The following HCN1 variants were observed in gnomAD, a reference collection of about 807,000 sequenced individuals.
HCN1 encodes potassium/sodium hyperpolarization-activated cyclic nucleotide-gated channel 1.
Under a neutral mutation model 78.9 loss-of-function variants are expected in HCN1, and 13 were observed. The observed-to-expected ratio is 0.16, with a 90% CI of 0.11 to 0.26. HCN1 has a LOEUF of 0.26. HCN1 is among the 10% of genes least tolerant of loss of function. HCN1 has a pLI of 1.00. For missense variants in HCN1, 810 were observed against 1,154.3 expected (o/e 0.70, Z 4.32); for synonymous variants, 552 against 455.5 (o/e 1.21, Z -2.70).
chr5:45,688,069 G>A (rs1169628309), intron 1 of HCN1, among the ~76,000 whole-genome samples: 1 of 152,042 alleles, frequency 6.6e-6, no homozygotes, highest in Non-Finnish European at 1.5e-5. Flanking sequence ...TTGTGGAAGT[G>A]GAATAATTTG....
intron 2 of HCN1, among the ~76,000 whole-genome samples, chr5:45,506,801 A>G (rs768371413): frequency 6.6e-6 from 1 of 152,148 alleles, no homozygotes; most frequent in East Asian, 1.9e-4. Flanking sequence ...TTTGATATTA[A>G]TCTTGATTAT....
intron 3 of HCN1, among the ~76,000 whole-genome samples, chr5:45,398,941 C>T (rs1171398725): frequency 6.6e-6 from 1 of 152,138 alleles, no homozygotes; most frequent in Non-Finnish European, 1.5e-5. Flanking sequence ...GTGCTTACTG[C>T]CGTGCCCATG....
intron 6 of HCN1, among the ~76,000 whole-genome samples, chr5:45,271,200 T>A (rs114644391): frequency 1.2e-3 from 181 of 152,272 alleles, no homozygotes; most frequent in African/African-American, 4.3e-3. Flanking sequence ...TACCTCTTCA[T>A]TACATTTTGT....
At chr5:45,268,652 A>C (rs1315268380) in intron 6 of HCN1, among the ~76,000 whole-genome samples, 1 of 152,240 alleles carries the variant, frequency 6.6e-6, no homozygotes, top group East Asian at 1.9e-4. Flanking sequence ...CTGGGAAGAT[A>C]GAGAGGATTT....
intron 4 of HCN1, among the ~76,000 whole-genome samples, chr5:45,362,248 C>T (rs1474784877): frequency 1.3e-5 from 2 of 151,356 alleles, no homozygotes; most frequent in Non-Finnish European, 2.9e-5. Flanking sequence ...ACTGATATAA[C>T]ATGCCTACCA....
intron 3 of HCN1, among the ~76,000 whole-genome samples, chr5:45,417,637 A>G (rs1251877378): frequency 6.6e-6 from 1 of 151,758 alleles, no homozygotes; most frequent in Non-Finnish European, 1.5e-5. Context: ...AAAAATATAA[A>G]TAAATATAAC....
At chr5:45,457,158 T>G (rs1741045603) in intron 3 of HCN1, among the ~76,000 whole-genome samples, 1 of 152,114 alleles carries the variant, frequency 6.6e-6, no homozygotes, top group African/African-American at 2.4e-5. Flanking sequence ...ACTGTTTAGC[T>G]GAAAATCCTT....
chr5:45,458,980 G>T (rs1408732586), intron 3 of HCN1, among the ~76,000 whole-genome samples: 3 of 152,004 alleles, frequency 2.0e-5, no homozygotes, highest in Non-Finnish European at 4.4e-5. Context: ...TGCAATAAAT[G>T]ATTTACCAAA....
intron 2 of HCN1, among the ~76,000 whole-genome samples, chr5:45,517,518 C>A: frequency 2.3e-5 from 2 of 85,378 alleles, no homozygotes; most frequent in South Asian, 4.1e-4. Flanking sequence ...CCAATTTCCC[C>A]TTAAAAAAAA....
intron 1 of HCN1, among the ~76,000 whole-genome samples, chr5:45,657,442 T>C (rs886566559): frequency 2.6e-5 from 4 of 152,220 alleles, no homozygotes; most frequent in Non-Finnish European, 4.4e-5. Context: ...TGTTGCTCAA[T>C]AGATAACAGA....
chr5:45,350,096 C>A lies in HCN1; in HGVS notation c.1377+3004G>T, dbSNP rs186810552. On this transcript the variant is annotated intron_variant, in intron 5 of 7. Transcript: ENST00000303230. Reference sequence around the variant, plus strand: ...AAAAAAAGAATTTTAGACCAATATCCTTGATGAACATTGATGCAAAAAGCC... The same window carrying A: ...AAAAAAAGAATTTTAGACCAATATCATTGATGAACATTGATGCAAAAAGCC... Among the ~76,000 whole-genome samples, 7 of 152,254 alleles carry A rather than the reference C, an allele frequency of 4.6e-5. No homozygotes were observed. In the South Asian group the frequency reaches 1.5e-3, roughly 32 times the overall value.
intron 2 of HCN1, among the ~76,000 whole-genome samples, chr5:45,635,531 C>A (rs1420807551): frequency 6.6e-6 from 1 of 152,064 alleles, no homozygotes; most frequent in Non-Finnish European, 1.5e-5. Context: ...TCTCCAGAAT[C>A]CTTCCTTACT....
intron 5 of HCN1, among the ~76,000 whole-genome samples, chr5:45,317,790 T>C (rs1045649069): frequency 6.6e-6 from 1 of 152,170 alleles, no homozygotes; most frequent in Non-Finnish European, 1.5e-5. Flanking sequence ...AAGACATTTA[T>C]GCAGCCAACA....
intron 2 of HCN1, among the ~76,000 whole-genome samples, chr5:45,607,634 G>A (rs934759200): frequency 6.7e-6 from 1 of 150,026 alleles, no homozygotes; most frequent in Non-Finnish European, 1.5e-5. Context: ...TATATCTAGA[G>A]AGAGAGAGTC....
At chr5:45,296,057 G>A (rs1381707249) in intron 6 of HCN1, among the ~76,000 whole-genome samples, 1 of 151,846 alleles carries the variant, frequency 6.6e-6, no homozygotes. Flanking sequence ...GTACCCTTGA[G>A]GTCCACCAGT....
At chr5:45,275,423 T>C (rs1579771912) in intron 6 of HCN1, among the ~76,000 whole-genome samples, 1 of 152,164 alleles carries the variant, frequency 6.6e-6, no homozygotes. Context: ...AAAGCTCTCA[T>C]CTGGTTCCTA....
chr5:45,419,570 C>A (rs573387973), intron 3 of HCN1, among the ~76,000 whole-genome samples: 1 of 152,156 alleles, frequency 6.6e-6, no homozygotes, highest in African/African-American at 2.4e-5. Flanking sequence ...CTTCAGCTAC[C>A]TTTTGTTCAG....
intron 2 of HCN1, among the ~76,000 whole-genome samples, chr5:45,504,643 T>TC (rs1742259118): frequency 6.6e-6 from 1 of 152,146 alleles, no homozygotes; most frequent in Non-Finnish European, 1.5e-5. Context: ...TCAAATGGTA[T>TC]TTCTAGTTCT....
At chr5:45,514,637 A>G (rs967438521) in intron 2 of HCN1, among the ~76,000 whole-genome samples, 2 of 152,076 alleles carry the variant, frequency 1.3e-5, no homozygotes, top group African/African-American at 4.8e-5. Flanking sequence ...TGATCTGACC[A>G]CACTGAAGTG....
Sources: gnomAD v4.1 joint callset for allele counts (sites outside exome capture counted in the v4.1 genomes callset) on GRCh38, gnomAD v4.1.1 for gene constraint, MANE v1.5 for transcripts, NCBI Gene and HGNC (gene_info 2026-07-23, HGNC 2026-07-21) for gene names.